The following PCDHGA1 variants were observed in gnomAD, a reference collection of about 807,000 sequenced individuals.
PCDHGA1 encodes protocadherin gamma-A1.
A neutral mutation model predicts 58.0 loss-of-function variants in PCDHGA1; 32 were observed. The observed-to-expected ratio is 0.55, with a 90% CI of 0.42 to 0.74. The LOEUF (loss-of-function observed/expected upper bound fraction) is 0.74. PCDHGA1 is among the 30% of genes least tolerant of loss of function. The probability of loss-of-function intolerance (pLI) is 0.00; values close to 1 mark genes in which losing one functional copy is unlikely to be tolerated. For synonymous variants in PCDHGA1, 498 were observed against 501.1 expected (o/e 0.99, Z 0.08); for missense variants, 1,205 against 1,182.3 (o/e 1.02, Z -0.28).
intron 1 of PCDHGA1, chr5:141,393,237 AT>A: frequency 1.2e-6 from 2 of 1,613,802 alleles, no homozygotes; most frequent in South Asian, 1.1e-5. Flanking sequence ...AGAAGTAAAA[AT>A]TAACGAAATC....
chr5:141,403,069 A>G (rs747569947), intron 1 of PCDHGA1: 3 of 1,613,954 alleles, frequency 1.9e-6, no homozygotes, highest in African/African-American at 2.7e-5. Flanking sequence ...CTGAAGAGAC[A>G]GAAAAGGGCT....
At chr5:141,376,649 A>T in intron 1 of PCDHGA1, 1 of 978,990 alleles carries the variant, frequency 1.0e-6, no homozygotes, top group Non-Finnish European at 1.5e-6. Flanking sequence ...GTAAAGTGGA[A>T]GACTCCCTTG....
At chr5:141,454,092 T>C (rs552760379) in intron 1 of PCDHGA1, among the ~76,000 whole-genome samples, 2 of 152,316 alleles carry the variant, frequency 1.3e-5, no homozygotes, top group East Asian at 3.9e-4. Flanking sequence ...GAAATTTGAA[T>C]TGAACATAAA....
At chr5:141,468,697 T>A (rs2099174099) in intron 1 of PCDHGA1, 1 of 151,646 alleles carries the variant, frequency 6.6e-6, no homozygotes, top group Non-Finnish European at 1.5e-5. Context: ...AAACCCCGTC[T>A]CTACTAAAAA....
At position 141,421,448 on chromosome 5, in the gene PCDHGA1, A is replaced by G. The variant is rs772957069; in HGVS notation, c.2422-73359A>G. On this transcript the variant is annotated intron_variant, in intron 1 of 3. Coordinates refer to ENST00000517417, the MANE Select transcript of PCDHGA1 (RefSeq NM_018912.3). ...CGCATCGTCTCCAGAGGGAAGACAC[A>G]GCTTTTCGCTGTGAATCCGCGAAGC... The G allele has an allele frequency of 7.8e-5, 126 of 1,614,014 alleles. No individual in the cohort carries two copies. The highest frequency in any genetic ancestry group is 1.0e-4 in the Non-Finnish European group (119 of 1,179,944).
chr5:141,443,699 A>G (rs1433844997), intron 1 of PCDHGA1, among the ~76,000 whole-genome samples: 1 of 152,248 alleles, frequency 6.6e-6, no homozygotes, highest in African/African-American at 2.4e-5. Flanking sequence ...AAAATTATAG[A>G]ATAACATTTG....
At chr5:141,428,117 G>T in intron 1 of PCDHGA1, 2 of 1,607,102 alleles carry the variant, frequency 1.2e-6, no homozygotes, top group East Asian at 2.2e-5. Context: ...AGGCCATCGA[G>T]CCCGGGCTTT....
chr5:141,332,174 AG>A lies in PCDHGA1; in HGVS notation c.1495del (p.Ala499HisfsTer32). On this transcript the variant is annotated frameshift_variant, in exon 1 of 4. Transcript: ENST00000517417. LOFTEE classifies it high-confidence loss of function. The surrounding 1 kb of genome is among the most constrained non-coding windows in gnomAD (Gnocchi z 4.6). ...ITYSLIEDTI[Q>X]GAPLSAYLSI... ...TACTCCCTAATAGAGGACACTATCC[AG>A]GGGGCACCCCTATCTGCCTACCTCT... 5.0e-6 allele frequency: 8 copies of A among 1,614,182 alleles called. No homozygotes were observed. The highest frequency in any genetic ancestry group is 6.8e-6 in the Non-Finnish European group (8 of 1,180,026).
intron 1 of PCDHGA1, chr5:141,412,854 A>G (rs1356959630): frequency 4.5e-6 from 1 of 223,412 alleles, no homozygotes; most frequent in South Asian, 1.8e-4. Context: ...GAGAAACCAA[A>G]GAATCTATGT....
chr5:141,463,438 CTTTTTTTT>C (rs71576115), intron 1 of PCDHGA1, among the ~76,000 whole-genome samples: 7 of 103,252 alleles, frequency 6.8e-5, no homozygotes, highest in East Asian at 2.4e-4. Flanking sequence ...TTTCCTTCTC[CTTTTTTTT>C]TTTTTTTTTT....
At chr5:141,370,318 C>G (rs1295080631) in intron 1 of PCDHGA1, 15 of 1,325,178 alleles carry the variant, frequency 1.1e-5, no homozygotes, top group African/African-American at 1.5e-5. Flanking sequence ...AATAGTTGGT[C>G]CTGCTCGGAG....
At chr5:141,415,700 A>G (rs1213224503) in intron 1 of PCDHGA1, 1 of 1,515,570 alleles carries the variant, frequency 6.6e-7, no homozygotes, top group East Asian at 2.5e-5. Flanking sequence ...GAAAGTGTAA[A>G]TGCTAAAACA....
intron 1 of PCDHGA1, chr5:141,361,583 C>A: frequency 6.2e-7 from 1 of 1,614,032 alleles, no homozygotes; most frequent in Non-Finnish European, 8.5e-7. Context: ...GACTTGGGCC[C>A]CAGTGGCCAA....
At chr5:141,369,451 A>G (rs1235926631) in intron 1 of PCDHGA1, among the ~76,000 whole-genome samples, 3 of 152,150 alleles carry the variant, frequency 2.0e-5, no homozygotes, top group African/African-American at 7.2e-5. Context: ...AGGATTGCTT[A>G]AAGCCAGGTG....
intron 1 of PCDHGA1, among the ~76,000 whole-genome samples, chr5:141,359,508 A>G (rs1481865677): frequency 1.3e-5 from 2 of 151,268 alleles, no homozygotes; most frequent in Admixed American, 6.6e-5. Context: ...CTAGATAACT[A>G]TATTATGGGC....
At chr5:141,365,039 G>A (rs577848371) in intron 1 of PCDHGA1, 12 of 1,613,840 alleles carry the variant, frequency 7.4e-6, no homozygotes, top group Non-Finnish European at 9.3e-6. Flanking sequence ...CGACGCAAAC[G>A]ACAATGCGCC....
At chr5:141,371,490 G>A in intron 1 of PCDHGA1, 1 of 1,613,890 alleles carries the variant, frequency 6.2e-7, no homozygotes, top group African/African-American at 1.3e-5. Context: ...GGGGACTGCC[G>A]TTGCCCTGAT....
chr5:141,481,913 C>CA (rs34114744), intron 1 of PCDHGA1, among the ~76,000 whole-genome samples: 1,134 of 90,654 alleles, frequency 0.013, 16 homozygotes, highest in East Asian at 0.053. Flanking sequence ...AACTCCATCT[C>CA]AAAAAAAAAA....
chr5:141,453,317 G>A (rs1218359210), intron 1 of PCDHGA1, among the ~76,000 whole-genome samples: 1 of 151,178 alleles, frequency 6.6e-6, no homozygotes, highest in Non-Finnish European at 1.5e-5. Flanking sequence ...ATTTATTTTA[G>A]AGATGGGGTC....
Sources: allele counts gnomAD v4.1 joint callset (sites outside exome capture counted in the v4.1 genomes callset), GRCh38; gene constraint gnomAD v4.1.1; non-coding constraint Gnocchi (gnomAD v3.1); transcripts MANE v1.5; gene names NCBI Gene and HGNC (gene_info 2026-07-23, HGNC 2026-07-21).